Variants in SIPA1L1 observed in about 807,000 individuals in gnomAD.
SIPA1L1 encodes the protein signal induced proliferation associated 1 like 1.
Under a neutral mutation model 162.7 loss-of-function variants are expected in SIPA1L1, and 26 were observed. That is an observed-to-expected ratio of 0.16 (90% CI 0.12 to 0.22). The LOEUF is 0.22. Among genes scored for constraint, SIPA1L1 ranks in the 10% least tolerant of loss-of-function variants. The pLI is 1.00. For missense variants in SIPA1L1, 1,874 were observed against 2,241.0 expected (o/e 0.84, Z 3.31); for synonymous variants, 829 against 837.4 (o/e 0.99, Z 0.17).
chr14:71,562,971 CTTTGTAGCATGTCAAAAAATGTTGTTA>C (rs1483991324), intron 4 of SIPA1L1, among the ~76,000 whole-genome samples: 1 of 152,128 alleles, frequency 6.6e-6, no homozygotes, highest in African/African-American at 2.4e-5. Context: ...GTTCATAGCA[CTTTGTAGCATGTCAAAAAATGTTGTTA>C]TTTATTTGTT....
chr14:71,380,349 T>G (rs553662800), intron 2 of SIPA1L1, among the ~76,000 whole-genome samples: 2 of 152,230 alleles, frequency 1.3e-5, no homozygotes, highest in Non-Finnish European at 2.9e-5. Flanking sequence ...ATCTCATAAC[T>G]TCTTCATATC....
chr14:71,381,763 C>G (rs551534177), intron 2 of SIPA1L1, among the ~76,000 whole-genome samples: 2 of 152,286 alleles, frequency 1.3e-5, no homozygotes, highest in East Asian at 1.9e-4. Flanking sequence ...TTCTGATAGA[C>G]TGTGTGTGCT....
intron 2 of SIPA1L1, among the ~76,000 whole-genome samples, chr14:71,434,533 C>T (rs1406508276): frequency 2.6e-5 from 4 of 152,016 alleles, no homozygotes; most frequent in African/African-American, 2.4e-5. Context: ...TTTTTGTTTT[C>T]CAGGATCTAA....
chr14:71,702,548 G>A (rs373072878), intron 15 of SIPA1L1, 43 bp downstream of exon 15: 7 of 1,588,970 alleles, frequency 4.4e-6, no homozygotes, highest in Non-Finnish European at 6.0e-6. Flanking sequence ...CTTTTACAAG[G>A]TGACTTAGGT....
At chr14:71,487,315 A>G (rs576049236) in intron 2 of SIPA1L1, among the ~76,000 whole-genome samples, 5 of 152,282 alleles carry the variant, frequency 3.3e-5, no homozygotes, top group South Asian at 4.2e-4. Context: ...GTCTCTGCCT[A>G]CCGCATCATA....
intron 2 of SIPA1L1, among the ~76,000 whole-genome samples, chr14:71,391,061 A>G (rs969884249): frequency 2.6e-5 from 4 of 152,142 alleles, no homozygotes; most frequent in Non-Finnish European, 5.9e-5. Flanking sequence ...GGAAATAGAA[A>G]AAAAAGCCAA....
intron 4 of SIPA1L1, chr14:71,574,551 G>T (rs181210507): frequency 6.6e-6 from 1 of 152,178 alleles, no homozygotes; most frequent in African/African-American, 2.4e-5. Context: ...GCTAAGACTC[G>T]TGCTAATATG....
At chr14:71,693,928 C>T (rs1186045325) in intron 13 of SIPA1L1, among the ~76,000 whole-genome samples, 1 of 152,128 alleles carries the variant, frequency 6.6e-6, no homozygotes, top group East Asian at 1.9e-4. Context: ...ACCACCAGCT[C>T]ACTGTTTGCA....
rs746880362 is a variant in SIPA1L1 at position 71,739,095 on chromosome 14, C to T, written c.5286C>T (p.Ser1762=). 12 of 1,614,024 alleles carry T rather than the reference C, an allele frequency of 7.4e-6. No individual in the cohort carries two copies. The highest frequency in any genetic ancestry group is 1.0e-5 in the Non-Finnish European group (12 of 1,179,962). The change falls in exon 24 of 24, where the codon TCC becomes TCT. Residue 1762 remains serine (S), a synonymous_variant. Coordinates refer to ENST00000381232, the MANE Select transcript of SIPA1L1 (RefSeq NM_001386936.1). ...REDNLRLQEE[S]QNASDKLKKF... is the part of the protein sequence containing the mutation. ...ACAACCTGAGGCTACAGGAGGAGTCCCAGAACGCCTCGGACAAGCTGAAGA... is the reference window on the plus strand; with the variant it reads ...ACAACCTGAGGCTACAGGAGGAGTCTCAGAACGCCTCGGACAAGCTGAAGA...
At chr14:71,632,228 C>T (rs192660434) in intron 7 of SIPA1L1, among the ~76,000 whole-genome samples, 16 of 152,200 alleles carry the variant, frequency 1.1e-4, no homozygotes, top group Non-Finnish European at 2.1e-4. Context: ...GGTTAGGGAC[C>T]TTGAGATCTC....
chr14:71,547,731 C>T (rs546421862), intron 4 of SIPA1L1, among the ~76,000 whole-genome samples: 1 of 152,336 alleles, frequency 6.6e-6, no homozygotes, highest in Non-Finnish European at 1.5e-5. Flanking sequence ...TAACTTGCTA[C>T]TGTACCCAGA....
At chr14:71,497,751 G>T (rs1595771984) in intron 2 of SIPA1L1, 1 of 152,280 alleles carries the variant, frequency 6.6e-6, no homozygotes, top group East Asian at 1.9e-4. Context: ...ATCACCTGTT[G>T]AAGGACACTT....
chr14:71,691,052 A>G (rs529312060), intron 13 of SIPA1L1, among the ~76,000 whole-genome samples: 19 of 152,256 alleles, frequency 1.2e-4, no homozygotes, highest in Admixed American at 5.2e-4. Flanking sequence ...TTCGTTATCA[A>G]CTTCCCCTCA....
intron 17 of SIPA1L1, among the ~76,000 whole-genome samples, chr14:71,718,770 T>TG (rs1221541808): frequency 2.0e-5 from 3 of 152,216 alleles, no homozygotes; most frequent in Admixed American, 6.5e-5. Context: ...TAAGTCAACA[T>TG]TATGTTGCTA....
intron 2 of SIPA1L1, among the ~76,000 whole-genome samples, chr14:71,437,348 A>G (rs554240674): frequency 6.6e-6 from 1 of 152,052 alleles, no homozygotes; most frequent in Non-Finnish European, 1.5e-5. Context: ...CCTGTCTCTT[A>G]GAAACTACAT....
At chr14:71,694,602 A>T (rs2081490212) in intron 13 of SIPA1L1, among the ~76,000 whole-genome samples, 1 of 152,250 alleles carries the variant, frequency 6.6e-6, no homozygotes, top group Admixed American at 6.5e-5. Flanking sequence ...TTATAAAAAT[A>T]TAGAGAAGAA....
chr14:71,623,050 C>A (rs1202024119), intron 6 of SIPA1L1, among the ~76,000 whole-genome samples: 1 of 152,190 alleles, frequency 6.6e-6, no homozygotes, highest in Non-Finnish European at 1.5e-5. Flanking sequence ...TTTCCTAAAA[C>A]CCCTCCTTTC....
intron 5 of SIPA1L1, among the ~76,000 whole-genome samples, chr14:71,610,557 T>C (rs975894824): frequency 3.9e-5 from 6 of 152,228 alleles, no homozygotes; most frequent in African/African-American, 1.2e-4. Flanking sequence ...TTTAAAAATA[T>C]AACTATTGGC....
chr14:71,548,761 G>A (rs529282563), intron 4 of SIPA1L1, among the ~76,000 whole-genome samples: 114 of 151,966 alleles, frequency 7.5e-4, no homozygotes, highest in Non-Finnish European at 4.7e-4. Context: ...GCTGAGCGCA[G>A]GTGGCACACG....
Sources: gnomAD v4.1 joint callset for allele counts (sites outside exome capture counted in the v4.1 genomes callset) on GRCh38, gnomAD v4.1.1 for gene constraint, MANE v1.5 for transcripts, NCBI Gene and HGNC (gene_info 2026-07-23, HGNC 2026-07-21) for gene names.